Variants in NT5DC1 observed in about 807,000 individuals in gnomAD.
The protein encoded by NT5DC1 is 5'-nucleotidase domain-containing protein 1.
A neutral mutation model predicts 59.4 loss-of-function variants in NT5DC1; 42 were observed. The observed-to-expected ratio is 0.71, with a 90% CI of 0.55 to 0.92. The LOEUF (loss-of-function observed/expected upper bound fraction) is 0.92, where lower values mean the gene tolerates loss of function less well. NT5DC1 is among the 40% of genes least tolerant of loss of function. The pLI, the probability that NT5DC1 is intolerant of heterozygous loss-of-function variation, is 0.00. For synonymous variants in NT5DC1, 172 were observed against 188.1 expected (o/e 0.91, Z 0.70); for missense variants, 501 against 537.1 (o/e 0.93, Z 0.66).
intron 6 of NT5DC1, among the ~76,000 whole-genome samples, chr6:116,186,867 G>A (rs1781011445): frequency 6.6e-6 from 1 of 151,864 alleles, no homozygotes; most frequent in Non-Finnish European, 1.5e-5. Flanking sequence ...TCTTTTTCTG[G>A]CAATTCAGAG....
chr6:116,140,504 T>C (rs1779739996), intron 6 of NT5DC1, among the ~76,000 whole-genome samples: 1 of 152,144 alleles, frequency 6.6e-6, no homozygotes, highest in African/African-American at 2.4e-5. Flanking sequence ...GGATATTAAT[T>C]CAATGAACAC....
chr6:116,171,637 G>A lies in NT5DC1; in HGVS notation c.530-49417G>A, dbSNP rs1780609789. Among the ~76,000 whole-genome samples, 5 of 152,130 alleles carry A rather than the reference G, an allele frequency of 3.3e-5. No homozygotes were observed. In the South Asian group the frequency reaches 1.0e-3, roughly 32 times the overall value. The stretch of plus-strand genomic sequence containing the variant: ...GACAGTGTATTCTATATTTGACTTG[G>A]CTGAATTCTCTCTTTGGTATCCCCT... On this transcript the variant is annotated intron_variant, in intron 6 of 11. Coordinates refer to ENST00000319550, the MANE Select transcript of NT5DC1 (RefSeq NM_152729.3).
Position 116,193,064 on chromosome 6 carries a change from T to C in NT5DC1, c.530-27990T>C, listed in dbSNP as rs73566414. Among the ~76,000 whole-genome samples the C allele has an allele frequency of 4.2e-3, 636 of 152,234 alleles. 6 individuals carry two copies. Among genetic ancestry groups the C allele is most frequent in the African/African-American group, 0.015 (605 of 41,574 alleles). On this transcript the variant is annotated intron_variant, in intron 6 of 11. Coordinates refer to ENST00000319550, the MANE Select transcript of NT5DC1 (RefSeq NM_152729.3). ...GCAGCATTACTAAAGCTGTACAGAA[T>C]AGCTCCGTGCCTTACAGACTCTCAT... is the stretch of plus-strand genomic sequence containing the variant.
chr6:116,235,326 G>C (rs941225481), intron 8 of NT5DC1, among the ~76,000 whole-genome samples: 12 of 152,098 alleles, frequency 7.9e-5, no homozygotes, highest in Non-Finnish European at 1.5e-4. Context: ...GGAATATGCT[G>C]AATCTTCTTA....
intron 6 of NT5DC1, among the ~76,000 whole-genome samples, chr6:116,133,578 C>T (rs1779519587): frequency 6.6e-6 from 1 of 152,142 alleles, no homozygotes; most frequent in African/African-American, 2.4e-5. Flanking sequence ...AACCCATCGT[C>T]AAAACGGATA....
At position 116,237,102 on chromosome 6, in the gene NT5DC1, A is replaced by G; in HGVS notation, c.921+18A>G. 7.2e-7 allele frequency: 1 copy of G among 1,387,542 alleles called. No individual in the cohort carries two copies. The highest frequency in any genetic ancestry group is 1.0e-6 in the Non-Finnish European group (1 of 973,516). The allele number at this position is 1,387,542 out of a possible 1,614,324, so 86.0% of individuals were successfully genotyped here. On this transcript the variant is annotated intron_variant, in intron 9 of 11. Coordinates refer to ENST00000319550, the MANE Select transcript of NT5DC1 (RefSeq NM_152729.3). ...AACCCAAGGTATTTCCCAGTTGAGG[A>G]GAAGTCCTCAGTGCCCACTTGCAGA...
chr6:116,203,100 A>G (rs1204848), intron 6 of NT5DC1, among the ~76,000 whole-genome samples: 64,656 of 151,888 alleles, frequency 0.43, 17,731 homozygotes, highest in African/African-American at 0.78. Context: ...GTGAAGTTAT[A>G]TAAAATGTCA....
chr6:116,135,418 C>T (rs1233293378), intron 6 of NT5DC1, among the ~76,000 whole-genome samples: 1 of 151,812 alleles, frequency 6.6e-6, no homozygotes, highest in Non-Finnish European at 1.5e-5. Context: ...ACCGCCCCCC[C>T]CACCTTTTTA....
At chr6:116,159,574 G>T (rs79490239) in intron 6 of NT5DC1, among the ~76,000 whole-genome samples, 7 of 152,126 alleles carry the variant, frequency 4.6e-5, no homozygotes, top group African/African-American at 1.7e-4. Context: ...TGTAGCTATA[G>T]CCTGTAATTT....
rs553676300 is a variant in NT5DC1, at chr6:116,244,049, G to A, written c.*25G>A. ...AGTTGTCTTTACTGAAAAATGAAGT[G>A]AAGACCCATATATGCAGTTAAAAAA... On this transcript the variant is annotated 3_prime_UTR_variant, in exon 12 of 12. Coordinates refer to ENST00000319550, the MANE Select transcript of NT5DC1 (RefSeq NM_152729.3). 5.4e-5 allele frequency: 52 copies of A among 958,558 alleles called. 1 individual carries two copies. The East Asian group carries it at 1.3e-3, about 23-fold the overall frequency. The allele number at this position is 958,558 out of a possible 1,614,324, so 59.4% of individuals were successfully genotyped here. A position where few individuals can be genotyped will look rare whatever the true frequency, so the allele number is the denominator to read the frequency against.
At chr6:116,133,360 GTTAA>G (rs1277529504) in intron 6 of NT5DC1, among the ~76,000 whole-genome samples, 6 of 152,162 alleles carry the variant, frequency 3.9e-5, no homozygotes, top group African/African-American at 9.7e-5. Flanking sequence ...AAATTAAAGT[GTTAA>G]TTAGAGAAGT....
chr6:116,135,380 A>G (rs1355373542), intron 6 of NT5DC1, among the ~76,000 whole-genome samples: 1 of 151,814 alleles, frequency 6.6e-6, no homozygotes, highest in Non-Finnish European at 1.5e-5. Context: ...AGAAAATGAT[A>G]TTTCATTTTT....
intron 6 of NT5DC1, among the ~76,000 whole-genome samples, chr6:116,134,864 G>GT (rs1779551401): frequency 6.6e-6 from 1 of 152,164 alleles, no homozygotes; most frequent in African/African-American, 2.4e-5. Context: ...GGATATAGAT[G>GT]TAAGAGGGTA....
intron 2 of NT5DC1, among the ~76,000 whole-genome samples, chr6:116,107,564 T>C (rs1471607510): frequency 2.8e-5 from 4 of 145,246 alleles, no homozygotes; most frequent in African/African-American, 1.0e-4. Context: ...TATTTTATTT[T>C]ATTTTATTTT....
chr6:116,159,503 A>G (rs915100124), intron 6 of NT5DC1, among the ~76,000 whole-genome samples: 2 of 152,184 alleles, frequency 1.3e-5, no homozygotes, highest in African/African-American at 4.8e-5. Flanking sequence ...TTTCACCATT[A>G]TATCTGTCGG....
chr6:116,166,578 A>G (rs1780474784), intron 6 of NT5DC1, among the ~76,000 whole-genome samples: 1 of 152,134 alleles, frequency 6.6e-6, no homozygotes, highest in Non-Finnish European at 1.5e-5. Context: ...ATCGATCTCC[A>G]TTTACCCAGT....
At chr6:116,184,778 T>C (rs1052735544) in intron 6 of NT5DC1, among the ~76,000 whole-genome samples, 2 of 152,104 alleles carry the variant, frequency 1.3e-5, no homozygotes, top group Non-Finnish European at 2.9e-5. Context: ...TTCTCTCTTC[T>C]TAGTTATTCT....
At chr6:116,182,044 C>G (rs936373027) in intron 6 of NT5DC1, among the ~76,000 whole-genome samples, 10 of 151,958 alleles carry the variant, frequency 6.6e-5, no homozygotes, top group African/African-American at 2.4e-4. Context: ...CTCCGCGTCC[C>G]CAAAGTCCAG....
chr6:116,246,883 C>T lies in NT5DC1; in HGVS notation c.*2859C>T, dbSNP rs1191819971. ...GTCTCTTGTTGGTCTCTAGAACTAT[C>T]CTCAGAAATAATAGTAAAACAGTGG... is the stretch of plus-strand genomic sequence containing the variant. On this transcript the variant is annotated 3_prime_UTR_variant, in exon 12 of 12. Transcript: ENST00000319550. The T allele has an allele frequency of 1.3e-5, 2 of 152,132 alleles. No homozygotes were observed. The highest frequency in any genetic ancestry group is 2.9e-5 in the Non-Finnish European group (2 of 68,008). 9.4% of individuals were successfully genotyped at this position (152,132 alleles called of 1,614,324 possible).
Sources: allele counts gnomAD v4.1 joint callset (sites outside exome capture counted in the v4.1 genomes callset), GRCh38; gene constraint gnomAD v4.1.1; transcripts MANE v1.5; gene names NCBI Gene and HGNC (gene_info 2026-07-23, HGNC 2026-07-21).